Variants in MAPRE2 observed in about 807,000 individuals in gnomAD.
MAPRE2 encodes the protein microtubule-associated protein RP/EB family member 2.
MAPRE2 carries 13 observed loss-of-function variants against 43.2 expected under a neutral mutation model. The observed-to-expected ratio is 0.30, with a 90% CI of 0.20 to 0.48. MAPRE2 has a LOEUF of 0.48. Among genes scored for constraint, MAPRE2 ranks in the 20% least tolerant of loss-of-function variants. The pLI, the probability that MAPRE2 is intolerant of heterozygous loss-of-function variation, is 0.99. For synonymous variants in MAPRE2, 135 were observed against 148.8 expected, an observed-to-expected ratio of 0.91 and a Z score of 0.68; for missense variants, 161 against 400.2, an observed-to-expected ratio of 0.40 and a Z score of 5.10.
At chr18:35,090,173 G>T (rs908030994) in intron 2 of MAPRE2, among the ~76,000 whole-genome samples, 1 of 150,804 alleles carries the variant, frequency 6.6e-6, no homozygotes. Context: ...AGTAAGAAGG[G>T]TTTTTTTTTG....
At position 35,090,533 on chromosome 18, in the gene MAPRE2, A is replaced by G. The variant is rs373234875; in HGVS notation, c.251-6913A>G. On this transcript the variant is annotated intron_variant, in intron 2 of 6. Coordinates refer to ENST00000300249, the MANE Select transcript of MAPRE2 (RefSeq NM_014268.4). Reference sequence around the variant, plus strand: ...GATCACCTGAGGTCAGGAGTTTGAGACCAGCCTGGCCAACATGGTGAAACC... The same window carrying G: ...GATCACCTGAGGTCAGGAGTTTGAGGCCAGCCTGGCCAACATGGTGAAACC... 4.2e-4 allele frequency among the ~76,000 whole-genome samples: 64 copies of G among 152,186 alleles called. No individual in the cohort carries two copies. The East Asian group carries it at 9.7e-3, about 23-fold the overall frequency.
intron 2 of MAPRE2, among the ~76,000 whole-genome samples, chr18:35,073,199 A>C (rs1907193567): frequency 6.6e-6 from 1 of 152,178 alleles, no homozygotes; most frequent in South Asian, 2.1e-4. Flanking sequence ...AATGAGGTTA[A>C]ATTATCCAAA....
intron 2 of MAPRE2, among the ~76,000 whole-genome samples, chr18:35,026,790 T>C (rs1812519398): frequency 6.6e-6 from 1 of 152,174 alleles, no homozygotes; most frequent in Non-Finnish European, 1.5e-5. Flanking sequence ...ACAGGTTCCC[T>C]CTACTCTCAA....
intron 6 of MAPRE2, among the ~76,000 whole-genome samples, chr18:35,133,602 C>T (rs1272417270): frequency 2.0e-5 from 3 of 152,176 alleles, no homozygotes; most frequent in African/African-American, 7.2e-5. Context: ...TGCGATAACG[C>T]CTGCTAGTGG....
rs142142523 is a variant in MAPRE2, at chr18:35,021,420, G to C, written c.-8+15867G>C. Among the ~76,000 whole-genome samples, 372 of 152,144 alleles carry C rather than the reference G, an allele frequency of 2.4e-3. 1 individual carries two copies. The highest frequency in any genetic ancestry group is 8.6e-3 in the African/African-American group (356 of 41,522). ...GACAAAGTTCTGGAAGATGGAAAGG[G>C]CATAGGATTATATTGCCAGCTAAAT... is the stretch of plus-strand genomic sequence containing the variant. On this transcript the variant is annotated intron_variant, in intron 2 of 7. Transcript: ENST00000413393.
upstream of MAPRE2, among the ~76,000 whole-genome samples, chr18:35,039,778 C>T (rs1404120135): frequency 6.6e-6 from 1 of 152,184 alleles, no homozygotes; most frequent in Non-Finnish European, 1.5e-5. Context: ...AGCTGATAAA[C>T]CATACAGTGA....
At chr18:35,006,162 G>A (rs1301209074) in intron 2 of MAPRE2, among the ~76,000 whole-genome samples, 1 of 152,162 alleles carries the variant, frequency 6.6e-6, no homozygotes, top group Non-Finnish European at 1.5e-5. Flanking sequence ...ACAATTAACT[G>A]AAATTCCACC....
chr18:35,073,030 C>CT (rs1907186128), intron 2 of MAPRE2, among the ~76,000 whole-genome samples: 1 of 152,036 alleles, frequency 6.6e-6, no homozygotes, highest in South Asian at 2.1e-4. Context: ...AGACTCTATT[C>CT]TTTTATAATT....
intron 4 of MAPRE2, among the ~76,000 whole-genome samples, chr18:35,102,905 A>G (rs912155480): frequency 5.9e-5 from 9 of 152,168 alleles, no homozygotes; most frequent in African/African-American, 1.7e-4. Context: ...TTCCATCTCA[A>G]TTGTGGAACC....
chr18:35,119,372 C>T (rs564467170), intron 4 of MAPRE2, among the ~76,000 whole-genome samples: 1 of 152,348 alleles, frequency 6.6e-6, no homozygotes, highest in South Asian at 2.1e-4. Context: ...CAACCCTGCT[C>T]TGCTTTTCTC....
intron 2 of MAPRE2, among the ~76,000 whole-genome samples, chr18:35,019,108 A>G (rs985919723): frequency 5.3e-5 from 8 of 151,890 alleles, no homozygotes; most frequent in African/African-American, 1.9e-4. Context: ...ATTAGGGAGC[A>G]AGTTGTTTAA....
At chr18:35,123,876 A>C (rs890862038) in intron 4 of MAPRE2, among the ~76,000 whole-genome samples, 1 of 152,198 alleles carries the variant, frequency 6.6e-6, no homozygotes, top group Non-Finnish European at 1.5e-5. Flanking sequence ...TGAAACACCT[A>C]TGTCCTAGGG....
chr18:35,017,576 T>C (rs1177636758), intron 2 of MAPRE2, among the ~76,000 whole-genome samples: 4 of 151,538 alleles, frequency 2.6e-5, no homozygotes, highest in Non-Finnish European at 5.9e-5. Context: ...TTTTGTTTTT[T>C]TTTTACAGCT....
At chr18:35,035,869 A>G (rs2097050279) in intron 2 of MAPRE2, among the ~76,000 whole-genome samples, 1 of 132,870 alleles carries the variant, frequency 7.5e-6, no homozygotes, top group Admixed American at 9.0e-5. Flanking sequence ...CCCCTGAATG[A>G]GAGCGCTCAC....
At chr18:35,116,848 C>A (rs180863846) in intron 4 of MAPRE2, among the ~76,000 whole-genome samples, 3 of 152,286 alleles carry the variant, frequency 2.0e-5, no homozygotes, top group Admixed American at 2.0e-4. Flanking sequence ...CATACAAAAG[C>A]ATGAACACCA....
At chr18:35,106,770 G>T (rs1187246114) in intron 4 of MAPRE2, among the ~76,000 whole-genome samples, 8 of 152,110 alleles carry the variant, frequency 5.3e-5, no homozygotes, top group Non-Finnish European at 1.0e-4. Context: ...AGGGTAAATG[G>T]CTGCTTGGTA....
intron 6 of MAPRE2, among the ~76,000 whole-genome samples, chr18:35,138,880 G>A (rs918509106): frequency 1.3e-5 from 2 of 152,138 alleles, no homozygotes; most frequent in Non-Finnish European, 2.9e-5. Flanking sequence ...CAGAAAATAA[G>A]TGGCTCGTGA....
chr18:35,093,388 C>G (rs1908251093), intron 2 of MAPRE2, among the ~76,000 whole-genome samples: 1 of 151,932 alleles, frequency 6.6e-6, no homozygotes, highest in South Asian at 2.1e-4. Context: ...AATAGAACTA[C>G]CGTATGATCC....
intron 4 of MAPRE2, among the ~76,000 whole-genome samples, chr18:35,122,758 C>CGT (rs1444892823): frequency 2.6e-5 from 4 of 152,098 alleles, no homozygotes; most frequent in Non-Finnish European, 5.9e-5. Flanking sequence ...AGGAGGTGCA[C>CGT]GTGTGTGTGC....
Sources: gnomAD v4.1 joint callset for allele counts (sites outside exome capture counted in the v4.1 genomes callset) on GRCh38, gnomAD v4.1.1 for gene constraint, MANE v1.5 for transcripts, NCBI Gene and HGNC (gene_info 2026-07-23, HGNC 2026-07-21) for gene names.